Variants in NFIX observed in about 807,000 individuals in gnomAD.
The protein encoded by NFIX is nuclear factor I X.
NFIX carries 2 observed loss-of-function variants against 53.3 expected under a neutral mutation model. The ratio of observed to expected loss-of-function variants is 0.04; its 90% confidence interval spans 0.02 to 0.12. The LOEUF (loss-of-function observed/expected upper bound fraction) is 0.12, where lower values mean the gene tolerates loss of function less well. Among genes scored for constraint, NFIX ranks in the 10% least tolerant of loss-of-function variants. NFIX has a pLI of 1.00. For synonymous variants in NFIX, 244 were observed against 289.0 expected (o/e 0.84, Z 1.58); for missense variants, 310 against 674.5 (o/e 0.46, Z 5.99).
At chr19:13,039,417 G>T (rs1288405450) in intron 2 of NFIX, among the ~76,000 whole-genome samples, 1 of 152,170 alleles carries the variant, frequency 6.6e-6, no homozygotes, top group African/African-American at 2.4e-5. Context: ...GCTTGGCAAG[G>T]CCTCTTGAAT....
At chr19:13,046,455 C>T (rs1213569201) in intron 2 of NFIX, among the ~76,000 whole-genome samples, 6 of 152,132 alleles carry the variant, frequency 3.9e-5, no homozygotes, top group South Asian at 2.1e-4. Flanking sequence ...ATAGTGGAAT[C>T]GCGTTGCCTT....
chr19:13,091,625 G>A (rs534241504), intron 10 of NFIX, among the ~76,000 whole-genome samples: 78 of 152,090 alleles, frequency 5.1e-4, no homozygotes, highest in Non-Finnish European at 1.1e-3. Context: ...CAATGGCTCC[G>A]AGCAGGGGCT....
rs544335068 is a variant in NFIX, at chr19:13,096,960, A to C, written c.*2311A>C. 3 of 151,022 alleles carry C rather than the reference A, an allele frequency of 2.0e-5. No individual in the cohort carries two copies. The highest frequency in any genetic ancestry group is 6.6e-5 in the Admixed American group (1 of 15,208). 9.4% of individuals were successfully genotyped at this position (151,022 alleles called of 1,614,324 possible). A position where few individuals can be genotyped will look rare whatever the true frequency, so the allele number is the denominator to read the frequency against. On this transcript the variant is annotated 3_prime_UTR_variant, in exon 11 of 11. Transcript: ENST00000592199. Reference sequence around the variant, plus strand: ...GGACGTGTTAGGAGAGAAAAAAAAAAAAACAAAAATATATATGGGGGAAAT... The same window carrying C: ...GGACGTGTTAGGAGAGAAAAAAAAACAAACAAAAATATATATGGGGGAAAT...
chr19:13,029,549 G>A (rs946309552), intron 2 of NFIX, among the ~76,000 whole-genome samples: 2 of 152,056 alleles, frequency 1.3e-5, no homozygotes, highest in Non-Finnish European at 2.9e-5. Flanking sequence ...CATTGTTGTT[G>A]TCGTTGAAGG....
intron 2 of NFIX, among the ~76,000 whole-genome samples, chr19:13,035,490 C>T (rs2014122047): frequency 6.6e-6 from 1 of 152,200 alleles, no homozygotes; most frequent in African/African-American, 2.4e-5. Flanking sequence ...GTAATCCTGT[C>T]AGGCCCGTAT....
At chr19:12,999,413 C>G (rs1246660010) in intron 1 of NFIX, among the ~76,000 whole-genome samples, 1 of 151,930 alleles carries the variant, frequency 6.6e-6, no homozygotes, top group Non-Finnish European at 1.5e-5. Context: ...ACCTCGTGAT[C>G]CACCTGCCTC....
intron 1 of NFIX, among the ~76,000 whole-genome samples, chr19:13,010,389 C>G (rs1012057857): frequency 6.6e-6 from 1 of 152,274 alleles, no homozygotes; most frequent in Admixed American, 6.5e-5. Flanking sequence ...AGCCCGGCAA[C>G]TCGGACGTGC....
intron 2 of NFIX, among the ~76,000 whole-genome samples, chr19:13,055,460 G>A (rs575114439): frequency 9.7e-4 from 147 of 152,280 alleles, no homozygotes; most frequent in Middle Eastern, 3.4e-3. Context: ...CCCTCCCCCT[G>A]CCTCTGGTGC....
rs1255442756 is a variant in NFIX at position 13,096,607 on chromosome 19, G to T, written c.*1958G>T. 6.6e-6 allele frequency: 1 copy of T among 151,956 alleles called. No individual in the cohort carries two copies. Among genetic ancestry groups the T allele is most frequent in the Non-Finnish European group, 1.5e-5 (1 of 68,010 alleles). The allele number at this position is 151,956 out of a possible 1,614,324, so 9.4% of individuals were successfully genotyped here. ...GGGAGTAAGGCCCCGGGGGTGGGGG[G>T]CCGGGTGGGCCGGGCGTGACGCGCG... On this transcript the variant is annotated 3_prime_UTR_variant, in exon 11 of 11. Coordinates refer to ENST00000592199, the MANE Select transcript of NFIX (RefSeq NM_001365902.3).
In NFIX at chr19:13,002,198, T is replaced by A. The variant is rs1013761667; in HGVS notation, c.27+6334T>A. Reference sequence around the variant, plus strand: ...TGAGGTCCCCCCTTCTTTCCCCCTTTCTCTCTCTCTCTTTCCTCCCTCTCT... The same window carrying A: ...TGAGGTCCCCCCTTCTTTCCCCCTTACTCTCTCTCTCTTTCCTCCCTCTCT... On this transcript the variant is annotated intron_variant, in intron 1 of 10. Transcript: ENST00000592199. This position sits in a 1 kb window ranked among gnomAD's most constrained non-coding sequence, Gnocchi z 6.1. 4.9e-5 allele frequency among the ~76,000 whole-genome samples: 7 copies of A among 142,680 alleles called. No homozygotes were observed. Among genetic ancestry groups the A allele is most frequent in the South Asian group, 2.4e-4 (1 of 4,176 alleles). The allele number at this position is 142,680 out of a possible 152,430, so 93.6% of individuals were successfully genotyped here. A position where few individuals can be genotyped will look rare whatever the true frequency, so the allele number is the denominator to read the frequency against.
intron 1 of NFIX, among the ~76,000 whole-genome samples, chr19:12,999,329 C>T (rs578043908): frequency 2.0e-5 from 3 of 152,080 alleles, no homozygotes; most frequent in East Asian, 1.9e-4. Flanking sequence ...CCCGCCACCA[C>T]GCCCGGGTAA....
rs1005094813 is a variant in NFIX, at chr19:13,090,309, G to A, written c.1413G>A (p.Thr471=). ...CCCTGCTCCCCACAGCATTCGCAAC[G>A]ACAGGCGCCTCCTCTGCCAACCGGT... The part of the protein sequence containing the change: ...ALTPPSPSFA[T]TGASSANRFV... Residue 471 remains threonine, a synonymous_variant, in exon 10 of 11, where the codon ACG becomes ACA. Transcript: ENST00000592199. This position sits in a 1 kb window ranked among gnomAD's most constrained non-coding sequence, Gnocchi z 6.6. 3.7e-6 allele frequency: 6 copies of A among 1,613,828 alleles called. No homozygotes were observed. Among genetic ancestry groups the A allele is most frequent in the African/African-American group, 1.3e-5 (1 of 74,930 alleles).
chr19:13,092,349 C>T (rs983799942), intron 10 of NFIX, among the ~76,000 whole-genome samples: 2 of 152,226 alleles, frequency 1.3e-5, no homozygotes, highest in Non-Finnish European at 2.9e-5. Flanking sequence ...GGCAGCAGAT[C>T]CCCCATTTCT....
intron 2 of NFIX, among the ~76,000 whole-genome samples, chr19:13,061,096 C>G (rs901429350): frequency 2.7e-5 from 4 of 150,682 alleles, no homozygotes; most frequent in South Asian, 4.3e-4. Context: ...CCCCCTCCCC[C>G]CCAAATCGAG....
At position 13,040,883 on chromosome 19, in the gene NFIX, C is replaced by T. The variant is rs963046719; in HGVS notation, c.559+15331C>T. ...TTTCCAGTAGTTTTTGAGTGAATTC[C>T]GAGCACTCCACTTTCTACCTTAAGA... On this transcript the variant is annotated intron_variant, in intron 2 of 10. Transcript: ENST00000592199. The surrounding 1 kb of genome is among the most constrained non-coding windows in gnomAD (Gnocchi z 4.2). Among the ~76,000 whole-genome samples the T allele has an allele frequency of 2.6e-5, 4 of 152,146 alleles. No individual in the cohort carries two copies. Among genetic ancestry groups the T allele is most frequent in the East Asian group, 1.9e-4 (1 of 5,202 alleles).
Position 13,022,267 on chromosome 19 carries a change from G to T in NFIX, c.28-2754G>T, listed in dbSNP as rs1036395187. 2.0e-5 allele frequency among the ~76,000 whole-genome samples: 3 copies of T among 152,176 alleles called. No homozygotes were observed. The highest frequency in any genetic ancestry group is 7.2e-5 in the African/African-American group (3 of 41,432). On this transcript the variant is annotated intron_variant, in intron 1 of 10. Coordinates refer to ENST00000592199, the MANE Select transcript of NFIX (RefSeq NM_001365902.3). This position sits in a 1 kb window ranked among gnomAD's most constrained non-coding sequence, Gnocchi z 4.5. ...AGTTTCTCGAGCCGAGCTGTGTTGC[G>T]TTGGCATCCCTCGTCACCGCTAATG...
Position 13,072,983 on chromosome 19 carries a change from G to A in NFIX, c.560-64G>A. On this transcript the variant is annotated intron_variant, in intron 2 of 10. Transcript: ENST00000592199. This position sits in a 1 kb window ranked among gnomAD's most constrained non-coding sequence, Gnocchi z 4.0. ...CTTGCACCAGGCTGGAGGGGCCAATGCTTGGCTGGTGCTTATGGGGAACTT... is the reference window on the plus strand; with the variant it reads ...CTTGCACCAGGCTGGAGGGGCCAATACTTGGCTGGTGCTTATGGGGAACTT... 1 of 1,514,602 alleles carries A rather than the reference G, an allele frequency of 6.6e-7. No individual in the cohort carries two copies. The highest frequency in any genetic ancestry group is 9.2e-7 in the Non-Finnish European group (1 of 1,089,372). 93.8% of individuals were successfully genotyped at this position (1,514,602 alleles called of 1,614,324 possible).
chr19:13,090,668 G>A lies in NFIX; in HGVS notation c.1494+278G>A, dbSNP rs539235765. Reference sequence around the variant, plus strand: ...GGACCCAAGTCTAGAGGCCCTCTGGGCCAGGCCTGGTAGAAGCAAAGATGG... The same window carrying A: ...GGACCCAAGTCTAGAGGCCCTCTGGACCAGGCCTGGTAGAAGCAAAGATGG... On this transcript the variant is annotated intron_variant, in intron 10 of 10. Coordinates refer to ENST00000592199, the MANE Select transcript of NFIX (RefSeq NM_001365902.3). This position sits in a 1 kb window ranked among gnomAD's most constrained non-coding sequence, Gnocchi z 6.6. 3.5e-4 allele frequency among the ~76,000 whole-genome samples: 54 copies of A among 152,348 alleles called. No homozygotes were observed. The highest frequency in any genetic ancestry group is 1.2e-3 in the African/African-American group (50 of 41,578).
intron 2 of NFIX, among the ~76,000 whole-genome samples, chr19:13,029,675 A>C (rs1440296784): frequency 1.3e-5 from 2 of 151,908 alleles, no homozygotes; most frequent in African/African-American, 4.8e-5. Context: ...CTCCCTCCCT[A>C]CCTTCAGGTC....
Sources: gnomAD v4.1 joint callset for allele counts (sites outside exome capture counted in the v4.1 genomes callset) on GRCh38, gnomAD v4.1.1 for gene constraint, Gnocchi (gnomAD v3.1) non-coding constraint, MANE v1.5 for transcripts, NCBI Gene and HGNC (gene_info 2026-07-23, HGNC 2026-07-21) for gene names.